Variants in HSF2 observed in about 807,000 individuals in gnomAD.
The protein encoded by HSF2 is heat shock factor protein 2.
A neutral mutation model predicts 65.0 loss-of-function variants in HSF2; 21 were observed. The ratio of observed to expected loss-of-function variants is 0.32; its 90% CI spans 0.23 to 0.47. The LOEUF (loss-of-function observed/expected upper bound fraction) is 0.47. Ranked by LOEUF, HSF2 falls within the 20% of genes least tolerant of loss-of-function variation. HSF2 has a pLI of 1.00. For missense variants in HSF2, 499 were observed against 628.1 expected, an observed-to-expected ratio of 0.79 and a Z score of 2.20; for synonymous variants, 225 against 219.1, an observed-to-expected ratio of 1.03 and a Z score of -0.24.
intron 5 of HSF2, 134 bp downstream of exon 5, chr6:122,416,430 AAAATG>A (rs1435097020): frequency 2.2e-5 from 11 of 506,156 alleles, no homozygotes; most frequent in South Asian, 3.9e-5. Context: ...ATAGAAGTAA[AAAATG>A]AAATGAAATT....
At chr6:122,421,975 A>G (rs1383963587) in intron 7 of HSF2, among the ~76,000 whole-genome samples, 175 bp from the exon 8 acceptor site, 1 of 152,110 alleles carries the variant, frequency 6.6e-6, no homozygotes, top group Non-Finnish European at 1.5e-5. Flanking sequence ...TACCTCTGTG[A>G]ATTGGTGCTG....
Position 122,433,052 on chromosome 6 carries a change from G to A in HSF2, c.*832G>A, listed in dbSNP as rs1774511823. On this transcript the variant is annotated 3_prime_UTR_variant, in exon 13 of 13. Coordinates refer to ENST00000368455, the MANE Select transcript of HSF2 (RefSeq NM_004506.4). ...AAGCAGTAGCTTTAAACTGTCTGTGGTTCATTATTCTCAATATGAATCATA... is the reference window on the plus strand; with the variant it reads ...AAGCAGTAGCTTTAAACTGTCTGTGATTCATTATTCTCAATATGAATCATA... 6.6e-6 allele frequency: 1 copy of A among 151,996 alleles called. No homozygotes were observed. The highest frequency in any genetic ancestry group is 1.5e-5 in the Non-Finnish European group (1 of 68,008). 9.4% of individuals were successfully genotyped at this position (151,996 alleles called of 1,614,324 possible).
rs55890838 is a variant in HSF2, at chr6:122,423,632, C to T, written c.1122C>T (p.Phe374=). Reference sequence around the variant, plus strand: ...GTATTGACTGCAGTTTAGAGGACTTCCAGGCCATGCTATCAGGAAGACAAT... The same window carrying T: ...GTATTGACTGCAGTTTAGAGGACTTTCAGGCCATGCTATCAGGAAGACAAT... ...LDSIDCSLED[F]QAMLSGRQFS... is the part of the protein sequence containing the mutation. The change falls in exon 10 of 13, where the codon TTC becomes TTT. Residue 374 remains phenylalanine, a synonymous_variant. Coordinates refer to ENST00000368455, the MANE Select transcript of HSF2 (RefSeq NM_004506.4). 4.8e-4 allele frequency: 779 copies of T among 1,610,746 alleles called. No individual in the cohort carries two copies. The highest frequency in any genetic ancestry group is 6.0e-4 in the Non-Finnish European group (708 of 1,178,062).
chr6:122,407,573 T>A (rs1411915079), intron 1 of HSF2, among the ~76,000 whole-genome samples: 1 of 134,328 alleles, frequency 7.4e-6, no homozygotes, highest in East Asian at 2.2e-4. Context: ...TGTGAAATGT[T>A]TGTTTTGCCA....
chr6:122,399,668 T>TGCCGTAGTTGCC lies in HSF2; in HGVS notation c.-63_-62insTTGCCGCCGTAG, dbSNP rs2114410786. 8.1e-7 allele frequency: 1 copy of TGCCGTAGTTGCC among 1,238,818 alleles called. No individual in the cohort carries two copies. The highest frequency in any genetic ancestry group is 1.2e-6 in the Non-Finnish European group (1 of 854,962). The allele number at this position is 1,238,818 out of a possible 1,614,324, so 76.7% of individuals were successfully genotyped here. The stretch of plus-strand genomic sequence containing the variant: ...GTTGTGGGCGTTCTCGGGGAGCTGC[T>TGCCGTAGTTGCC]GCCGTAGCTGCCGCCGCCGCTACCA... On this transcript the variant is annotated 5_prime_UTR_variant, in exon 1 of 13. Coordinates refer to ENST00000368455, the MANE Select transcript of HSF2 (RefSeq NM_004506.4).
intron 1 of HSF2, among the ~76,000 whole-genome samples, chr6:122,402,078 G>A (rs1206885631): frequency 6.6e-6 from 1 of 152,196 alleles, no homozygotes; most frequent in African/African-American, 2.4e-5. Context: ...GCTATCATTA[G>A]TGTTAGTGTA....
In HSF2 at chr6:122,419,281, T is replaced by C. The variant is rs1774184574; in HGVS notation, c.593+52T>C. 6 of 868,348 alleles carry C rather than the reference T, an allele frequency of 6.9e-6. No individual in the cohort carries two copies. In the South Asian group the frequency reaches 8.0e-5, roughly 12 times the overall value. 53.8% of individuals were successfully genotyped at this position (868,348 alleles called of 1,614,324 possible). ...TCCTGTATATAGGCAGTCACACTTT[T>C]TAGTGTTTAACCATGAGTAGCCTAC... is the stretch of plus-strand genomic sequence containing the variant. On this transcript the variant is annotated intron_variant, in intron 6 of 12. Transcript: ENST00000368455.
chr6:122,423,086 C>T (rs1774272382), intron 9 of HSF2, 129 bp downstream of exon 9: 1 of 994,004 alleles, frequency 1.0e-6, no homozygotes, highest in African/African-American at 1.6e-5. Flanking sequence ...CTGTTTTGGT[C>T]AGTGTTGAGT....
At position 122,422,399 on chromosome 6, in the gene HSF2, T is replaced by C. The variant is rs1774256438; in HGVS notation, c.830+101T>C. 45 of 941,018 alleles carry C rather than the reference T, an allele frequency of 4.8e-5. No homozygotes were observed. The South Asian group carries it at 6.5e-4, about 14-fold the overall frequency. 58.3% of individuals were successfully genotyped at this position (941,018 alleles called of 1,614,324 possible). On this transcript the variant is annotated intron_variant, in intron 8 of 12. Transcript: ENST00000368455. The stretch of plus-strand genomic sequence containing the variant: ...TTGTTCTTTGAAAAATAATAATCTT[T>C]CTCACATTTGGATTATTAAACTTGA...
intron 1 of HSF2, among the ~76,000 whole-genome samples, chr6:122,411,657 T>TTTC (rs1773997653): frequency 6.6e-6 from 1 of 151,970 alleles, no homozygotes; most frequent in Admixed American, 6.6e-5. Context: ...GATATCCAGT[T>TTTC]TTCCCAGCAC....
At chr6:122,431,404 C>G in intron 11 of HSF2, 26 bp from the exon 12 acceptor site, 2 of 794,062 alleles carry the variant, frequency 2.5e-6, no homozygotes, top group Non-Finnish European at 3.5e-6. Flanking sequence ...GAAACAAGTA[C>G]TTATATATAT....
intron 7 of HSF2, 61 bp downstream of exon 7, chr6:122,420,283 A>G: frequency 9.1e-6 from 12 of 1,320,364 alleles, no homozygotes; most frequent in Non-Finnish European, 1.3e-5. Flanking sequence ...TTATTATGGC[A>G]GTGTTTCATG....
At chr6:122,426,964 T>C (rs2114453528) in intron 10 of HSF2, among the ~76,000 whole-genome samples, 2 of 152,202 alleles carry the variant, frequency 1.3e-5, no homozygotes, top group Middle Eastern at 6.8e-3. Flanking sequence ...GCTAGTATTA[T>C]ACCCGTGTGT....
Position 122,412,320 on chromosome 6 carries a change from G to A in HSF2, c.94-53G>A. 7.9e-6 allele frequency: 8 copies of A among 1,016,148 alleles called. 1 individual carries two copies. Among genetic ancestry groups the A allele is most frequent in the South Asian group, 6.4e-5 (5 of 78,322 alleles). 62.9% of individuals were successfully genotyped at this position (1,016,148 alleles called of 1,614,324 possible). On this transcript the variant is annotated intron_variant, in intron 1 of 12. Transcript: ENST00000368455. ...GTGGGATGTATAAATATATCACCAT[G>A]TGTCATAGGAACTTAACTAATTTAC...
At chr6:122,430,694 G>A (rs1050953775) in intron 11 of HSF2, among the ~76,000 whole-genome samples, 2 of 152,126 alleles carry the variant, frequency 1.3e-5, no homozygotes, top group African/African-American at 4.8e-5. Context: ...CCAGCATGTA[G>A]ATCTGGGACT....
intron 3 of HSF2, among the ~76,000 whole-genome samples, chr6:122,413,323 A>AT (rs2243360): frequency 0.7 from 105,999 of 151,268 alleles, 37,280 homozygotes; most frequent in South Asian, 0.77. Flanking sequence ...TTAAAAAAAA[A>AT]TTTTTTTTAA....
At chr6:122,424,184 T>C (rs1314090673) in intron 10 of HSF2, among the ~76,000 whole-genome samples, 1 of 150,610 alleles carries the variant, frequency 6.6e-6, no homozygotes, top group Admixed American at 6.6e-5. Context: ...CCCACCACCA[T>C]CCCTATGAAG....
intron 4 of HSF2, among the ~76,000 whole-genome samples, chr6:122,415,968 G>A (rs1774117044): frequency 6.6e-6 from 1 of 152,182 alleles, no homozygotes; most frequent in Non-Finnish European, 1.5e-5. Context: ...AATGAGCCGA[G>A]ATCGTACCAC....
intron 4 of HSF2, among the ~76,000 whole-genome samples, chr6:122,413,884 G>A (rs1031220823): frequency 5.3e-5 from 8 of 152,006 alleles, no homozygotes; most frequent in Non-Finnish European, 7.4e-5. Context: ...AAACCTAAGC[G>A]TATCAAAACA....
Sources: allele counts gnomAD v4.1 joint callset (sites outside exome capture counted in the v4.1 genomes callset), GRCh38; gene constraint gnomAD v4.1.1; transcripts MANE v1.5; gene names NCBI Gene and HGNC (gene_info 2026-07-23, HGNC 2026-07-21).